ANKS3: variants seen among roughly 807,000 people sequenced by gnomAD.
ANKS3 encodes ankyrin repeat and sterile alpha motif domain containing 3, also known as ankyrin repeat and SAM domain-containing protein 3.
ANKS3 carries 62 observed loss-of-function variants against 80.7 expected under a neutral mutation model. That is an observed-to-expected ratio of 0.77 (90% CI 0.63 to 0.95). The LOEUF is 0.95. Among genes scored for constraint, ANKS3 ranks in the 40% least tolerant of loss-of-function variants. The pLI, the probability that ANKS3 is intolerant of heterozygous loss-of-function variation, is 0.00. For missense variants in ANKS3, 1,150 were observed against 883.6 expected, an observed-to-expected ratio of 1.30 and a Z score of -3.82; for synonymous variants, 489 against 355.3, an observed-to-expected ratio of 1.38 and a Z score of -4.23.
Position 4,731,575 on chromosome 16 carries a change from C to G in ANKS3, c.-66G>C, listed in dbSNP as rs1394036112. 7.6e-5 allele frequency: 70 copies of G among 916,942 alleles called. No individual in the cohort carries two copies. Among genetic ancestry groups the G allele is most frequent in the Non-Finnish European group, 9.1e-5 (70 of 767,460 alleles). 56.8% of individuals were successfully genotyped at this position (916,942 alleles called of 1,614,324 possible). ...GAAATATAGGCGTGAGCCACTGCAC[C>G]TGGCCTGTAAATTTTAAATATAAAT... On this transcript the variant is annotated 5_prime_UTR_variant, in exon 2 of 18. Transcript: ENST00000304283.
intron 7 of ANKS3, among the ~76,000 whole-genome samples, chr16:4,709,049 TG>T (rs1283335084): frequency 6.6e-6 from 1 of 151,952 alleles, no homozygotes; most frequent in African/African-American, 2.4e-5. Context: ...GAGGATCGCT[TG>T]GGCCCAGGAG....
At chr16:4,729,957 G>A (rs112399072) in intron 3 of ANKS3, 23 bp downstream of exon 3, 3 of 1,453,818 alleles carry the variant, frequency 2.1e-6, no homozygotes, top group African/African-American at 1.4e-5. Flanking sequence ...AAATGTGAGA[G>A]GAAGTTCCCC....
intron 11 of ANKS3, chr16:4,700,008 G>C (rs2079811576): frequency 6.6e-6 from 1 of 152,494 alleles, no homozygotes; most frequent in Non-Finnish European, 1.5e-5. Context: ...AACGTATGTT[G>C]AAGGGACCGA....
At chr16:4,706,885 G>A (rs148347452) in intron 7 of ANKS3, among the ~76,000 whole-genome samples, 2 of 152,288 alleles carry the variant, frequency 1.3e-5, no homozygotes, top group Non-Finnish European at 2.9e-5. Flanking sequence ...GGAGCTGCTC[G>A]CTCAGGTGCA....
chr16:4,715,871 T>A (rs748826237), intron 6 of ANKS3, among the ~76,000 whole-genome samples: 1 of 151,922 alleles, frequency 6.6e-6, no homozygotes, highest in Non-Finnish European at 1.5e-5. Context: ...AAGGAAATAA[T>A]GCAGGACATA....
intron 1 of ANKS3, among the ~76,000 whole-genome samples, chr16:4,733,025 C>T (rs1217263757): frequency 8.6e-5 from 13 of 151,716 alleles, no homozygotes; most frequent in Non-Finnish European, 1.9e-4. Flanking sequence ...AAAATCAAAA[C>T]AACTGAACTC....
chr16:4,712,250 G>A (rs775834399), intron 7 of ANKS3, among the ~76,000 whole-genome samples: 4 of 151,658 alleles, frequency 2.6e-5, no homozygotes, highest in Non-Finnish European at 5.9e-5. Context: ...GCACGCCTGT[G>A]ATCCCAGCTA....
chr16:4,703,412 GCCC>G (rs1053002732), intron 8 of ANKS3, among the ~76,000 whole-genome samples: 1 of 143,612 alleles, frequency 7.0e-6, no homozygotes, highest in Non-Finnish European at 1.5e-5. Flanking sequence ...ACTGCACCTG[GCCC>G]CCCCAATTTT....
At chr16:4,703,968 A>T (rs1019871227) in intron 8 of ANKS3, among the ~76,000 whole-genome samples, 1 of 152,176 alleles carries the variant, frequency 6.6e-6, no homozygotes, top group Non-Finnish European at 1.5e-5. Flanking sequence ...TGTCCCCACC[A>T]CACCTCAGGC....
At chr16:4,717,669 T>C (rs1596410386) in intron 6 of ANKS3, 1 of 152,234 alleles carries the variant, frequency 6.6e-6, no homozygotes, top group Non-Finnish European at 1.5e-5. Context: ...TATTTTTGGT[T>C]TTGTTTTTGA....
rs751664707 is a variant in ANKS3 at position 4,702,056 on chromosome 16, C to T, written c.1009+46G>A. On this transcript the variant is annotated intron_variant, in intron 9 of 17. Coordinates refer to ENST00000304283, the MANE Select transcript of ANKS3 (RefSeq NM_133450.4). ...AGTGGGGATGGGCACACAGGAGCTC[C>T]AGGACCTGCCTGAGCCACGGGCCGG... 2.6e-6 allele frequency: 4 copies of T among 1,531,256 alleles called. No individual in the cohort carries two copies. The Admixed American group carries it at 7.7e-5, about 30-fold the overall frequency. The allele number at this position is 1,531,256 out of a possible 1,614,324, so 94.9% of individuals were successfully genotyped here. A position where few individuals can be genotyped will look rare whatever the true frequency, so the allele number is the denominator to read the frequency against.
At position 4,696,868 on chromosome 16, in the gene ANKS3, A is replaced by T; in HGVS notation, c.*40T>A. On this transcript the variant is annotated 3_prime_UTR_variant, in exon 18 of 18. Transcript: ENST00000304283. ...TCCTCACTCCCTGGCACACAGCTTC[A>T]GGGTGGACCAATCACCCAACGTCAG... 1 of 729,626 alleles carries T rather than the reference A, an allele frequency of 1.4e-6. No individual in the cohort carries two copies. 45.2% of individuals were successfully genotyped at this position (729,626 alleles called of 1,614,324 possible).
At position 4,699,092 on chromosome 16, in the gene ANKS3, G is replaced by A. The variant is rs1359178524; in HGVS notation, c.1369C>T (p.Leu457=). The part of the protein sequence containing the change: ...EEQDVDLRIF[L]TLTESDLKEI... Reference sequence around the variant, plus strand: ...TTCAGGTCGCTCTCAGTGAGGGTCAGAAAGATGCGGAGGTCCACGTCCTGC... The same window carrying A: ...TTCAGGTCGCTCTCAGTGAGGGTCAAAAAGATGCGGAGGTCCACGTCCTGC... The change falls in exon 12 of 18, where the codon CTG becomes TTG. Residue 457 remains leucine, a synonymous_variant. Transcript: ENST00000304283. The A allele has an allele frequency of 4.3e-6, 7 of 1,614,078 alleles. No homozygotes were observed. Among genetic ancestry groups the A allele is most frequent in the Non-Finnish European group, 5.1e-6 (6 of 1,180,062 alleles).
chr16:4,727,269 G>T, intron 3 of ANKS3, 92 bp from the exon 4 acceptor site: 1 of 1,349,786 alleles, frequency 7.4e-7, no homozygotes, highest in Non-Finnish European at 1.0e-6. Context: ...GGCGGGATGA[G>T]TTGACAGGAA....
chr16:4,702,323 G>A, intron 8 of ANKS3, 81 bp from the exon 9 acceptor site: 1 of 1,365,344 alleles, frequency 7.3e-7, no homozygotes, highest in Non-Finnish European at 9.5e-7. Flanking sequence ...GATGGAGGCA[G>A]GTGACTTCCC....
chr16:4,728,805 G>T (rs2081484401), intron 3 of ANKS3, among the ~76,000 whole-genome samples: 1 of 152,290 alleles, frequency 6.6e-6, no homozygotes, highest in South Asian at 2.1e-4. Flanking sequence ...ACCCTTTGAG[G>T]GGCCGTACTG....
chr16:4,708,700 C>A (rs966063612), intron 7 of ANKS3, among the ~76,000 whole-genome samples: 1 of 151,832 alleles, frequency 6.6e-6, no homozygotes, highest in Non-Finnish European at 1.5e-5. Flanking sequence ...TTTGGGAGGC[C>A]GAGGTGGGCA....
At chr16:4,725,266 C>A (rs937630079) in intron 5 of ANKS3, 1 of 154,990 alleles carries the variant, frequency 6.5e-6, no homozygotes, top group Non-Finnish European at 1.4e-5. Context: ...ATCTTTGCCA[C>A]GCTTAGCTCC....
At chr16:4,719,146 G>C (rs565244560) in intron 6 of ANKS3, among the ~76,000 whole-genome samples, 4 of 152,128 alleles carry the variant, frequency 2.6e-5, no homozygotes, top group African/African-American at 9.6e-5. Context: ...ACCAGCCTAA[G>C]CAACTTAGTG....
Sources: gnomAD v4.1 joint callset for allele counts (sites outside exome capture counted in the v4.1 genomes callset) on GRCh38, gnomAD v4.1.1 for gene constraint, MANE v1.5 for transcripts, NCBI Gene and HGNC (gene_info 2026-07-23, HGNC 2026-07-21) for gene names.